The following RASSF5 variants were observed in gnomAD, a reference collection of about 807,000 sequenced individuals.
The protein encoded by RASSF5 is ras association domain-containing protein 5.
Under a neutral mutation model 40.5 loss-of-function variants are expected in RASSF5, and 25 were observed. The ratio of observed to expected loss-of-function variants is 0.62; its 90% CI spans 0.45 to 0.86. The LOEUF (loss-of-function observed/expected upper bound fraction) is 0.86. RASSF5 is among the 40% of genes least tolerant of loss of function. RASSF5 has a pLI of 0.00. For synonymous variants in RASSF5, 246 were observed against 252.4 expected (o/e 0.97, Z 0.24); for missense variants, 521 against 572.8 (o/e 0.91, Z 0.92).
intron 2 of RASSF5, among the ~76,000 whole-genome samples, chr1:206,574,219 C>T (rs1668552950): frequency 6.6e-6 from 1 of 152,202 alleles, no homozygotes; most frequent in Admixed American, 6.5e-5. Flanking sequence ...ATGCTGGCAA[C>T]CTGAGGAGTC....
chr1:206,557,726 G>A (rs782277990), intron 2 of RASSF5: 22 of 1,609,144 alleles, frequency 1.4e-5, no homozygotes, highest in Non-Finnish European at 1.8e-5. Context: ...GGAGCCTTTC[G>A]TGGGGGGAAA....
rs1667226200 is a variant in RASSF5 at position 206,531,056 on chromosome 1, A to G, written c.458-7116A>G. On this transcript the variant is annotated intron_variant, in intron 1 of 5. Coordinates refer to ENST00000579436, the MANE Select transcript of RASSF5 (RefSeq NM_182663.4). This position sits in a 1 kb window ranked among gnomAD's most constrained non-coding sequence, Gnocchi z 4.7. ...TAGCAAGTGTTGTGTTGTTATTTACATAACATTCTCATTTGATTCTCAACA... is the reference window on the plus strand; with the variant it reads ...TAGCAAGTGTTGTGTTGTTATTTACGTAACATTCTCATTTGATTCTCAACA... 1.3e-5 allele frequency among the ~76,000 whole-genome samples: 2 copies of G among 152,228 alleles called. No homozygotes were observed. Among genetic ancestry groups the G allele is most frequent in the Non-Finnish European group, 2.9e-5 (2 of 68,040 alleles).
intron 1 of RASSF5, among the ~76,000 whole-genome samples, chr1:206,536,393 C>T (rs1553398693): frequency 6.6e-6 from 1 of 152,070 alleles, no homozygotes; most frequent in Non-Finnish European, 1.5e-5. Flanking sequence ...GAAAGGTGGT[C>T]AGGCCATGGG....
intron 4 of RASSF5, 69 bp from the exon 5 acceptor site, chr1:206,585,111 T>C (rs990398420): frequency 8.4e-7 from 1 of 1,196,954 alleles, no homozygotes. Flanking sequence ...TTTCCAATCC[T>C]TTCCCGCAAG....
chr1:206,514,262 G>T (rs1313539451), intron 1 of RASSF5, among the ~76,000 whole-genome samples: 1 of 152,236 alleles, frequency 6.6e-6, no homozygotes, highest in Non-Finnish European at 1.5e-5. Flanking sequence ...TTTGGCTGAG[G>T]AGTCTGGTGA....
chr1:206,508,687 C>G (rs1246015883), intron 1 of RASSF5, among the ~76,000 whole-genome samples: 1 of 152,078 alleles, frequency 6.6e-6, no homozygotes, highest in African/African-American at 2.4e-5. Context: ...GCCCCTCAAA[C>G]CTTTGGACTC....
At chr1:206,573,321 C>T (rs1323086474) in intron 2 of RASSF5, among the ~76,000 whole-genome samples, 2 of 152,164 alleles carry the variant, frequency 1.3e-5, no homozygotes, top group Non-Finnish European at 2.9e-5. Context: ...GAAACTGAGG[C>T]ATATAGATTT....
intron 1 of RASSF5, among the ~76,000 whole-genome samples, chr1:206,521,572 T>G (rs1448227998): frequency 6.6e-6 from 1 of 152,144 alleles, no homozygotes; most frequent in Non-Finnish European, 1.5e-5. Context: ...CTCCTTGCAA[T>G]CCTATTTGGC....
rs114761163 is a variant in RASSF5, at chr1:206,584,314, A to G, written c.691-73A>G. On this transcript the variant is annotated intron_variant, in intron 3 of 5. Coordinates refer to ENST00000579436, the MANE Select transcript of RASSF5 (RefSeq NM_182663.4). This position sits in a 1 kb window ranked among gnomAD's most constrained non-coding sequence, Gnocchi z 4.9. The stretch of plus-strand genomic sequence containing the variant: ...GAGACAGGTGGGTGCTGCTGGGGCA[A>G]TGGCCCCGAGTGGCAGATATGATCA... 1.4e-6 allele frequency: 2 copies of G among 1,458,910 alleles called. No individual in the cohort carries two copies. Among genetic ancestry groups the G allele is most frequent in the African/African-American group, 1.4e-5 (1 of 71,056 alleles). 90.4% of individuals were successfully genotyped at this position (1,458,910 alleles called of 1,614,324 possible).
At position 206,546,011 on chromosome 1, in the gene RASSF5, C is replaced by T. The variant is rs1360971210; in HGVS notation, c.579+7718C>T. On this transcript the variant is annotated intron_variant, in intron 2 of 5. Transcript: ENST00000579436. ...TGTCACCCAGGCTGGAGTGCAGTGG[C>T]GCGATCTCGGCTCACGATATAGCTA... is the stretch of plus-strand genomic sequence containing the variant. 4.2e-5 allele frequency among the ~76,000 whole-genome samples: 6 copies of T among 142,346 alleles called. No individual in the cohort carries two copies. In the East Asian group the frequency reaches 6.0e-4, roughly 14 times the overall value. 93.4% of individuals were successfully genotyped at this position (142,346 alleles called of 152,430 possible).
At chr1:206,580,885 C>T (rs1229442065) in intron 2 of RASSF5, 2 of 152,262 alleles carry the variant, frequency 1.3e-5, no homozygotes, top group Admixed American at 1.3e-4. Context: ...GGGCCTGACC[C>T]GCTGCTTAGA....
intron 2 of RASSF5, among the ~76,000 whole-genome samples, chr1:206,581,368 C>T (rs1184237135): frequency 3.3e-5 from 5 of 152,056 alleles, no homozygotes; most frequent in East Asian, 1.9e-4. Flanking sequence ...GAGGCCAAGG[C>T]GGATGGATCA....
chr1:206,557,273 G>C (rs1472747875), intron 2 of RASSF5: 3 of 1,162,618 alleles, frequency 2.6e-6, no homozygotes, highest in Non-Finnish European at 3.2e-6. Flanking sequence ...ACACGAAACC[G>C]CAGAGCCCGG....
chr1:206,563,579 A>G (rs1293571507), intron 2 of RASSF5, among the ~76,000 whole-genome samples: 1 of 152,140 alleles, frequency 6.6e-6, no homozygotes, highest in African/African-American at 2.4e-5. Flanking sequence ...CTCTTTGAGA[A>G]TGGAGTTTCA....
At chr1:206,538,911 G>C (rs968520353) in intron 2 of RASSF5, among the ~76,000 whole-genome samples, 3 of 152,218 alleles carry the variant, frequency 2.0e-5, no homozygotes, top group African/African-American at 7.2e-5. Context: ...GTGAGAGTTG[G>C]GGTAATAAAT....
intron 2 of RASSF5, among the ~76,000 whole-genome samples, chr1:206,576,319 G>A (rs1668656865): frequency 6.6e-6 from 1 of 152,208 alleles, no homozygotes; most frequent in South Asian, 2.1e-4. Context: ...AGGCTTTGAG[G>A]CCATGGGGCT....
intron 4 of RASSF5, 86 bp from the exon 5 acceptor site, chr1:206,585,094 C>T (rs1553407318): frequency 1.2e-5 from 11 of 942,662 alleles, no homozygotes; most frequent in Non-Finnish European, 5.0e-6. Context: ...CGTACCCCAC[C>T]TCTGCATTTC....
intron 2 of RASSF5, among the ~76,000 whole-genome samples, chr1:206,566,380 T>G (rs1668290128): frequency 6.6e-6 from 1 of 152,172 alleles, no homozygotes; most frequent in Non-Finnish European, 1.5e-5. Context: ...CCTGTTCTAG[T>G]CTTGGGAAAT....
intron 2 of RASSF5, among the ~76,000 whole-genome samples, chr1:206,574,443 T>C (rs564581815): frequency 6.2e-4 from 94 of 152,356 alleles, no homozygotes; most frequent in African/African-American, 2.0e-3. Flanking sequence ...ACTGGCGGAC[T>C]GTTGACATTG....
Sources: gnomAD v4.1 joint callset for allele counts (sites outside exome capture counted in the v4.1 genomes callset) on GRCh38, gnomAD v4.1.1 for gene constraint, Gnocchi (gnomAD v3.1) non-coding constraint, MANE v1.5 for transcripts, NCBI Gene and HGNC (gene_info 2026-07-23, HGNC 2026-07-21) for gene names.